ITGB5: variants seen among roughly 807,000 people sequenced by gnomAD.
ITGB5 encodes integrin beta-5.
In ITGB5, 38 loss-of-function variants were observed where a neutral mutation model predicts 84.8. The observed-to-expected ratio is 0.45, with a 90% confidence interval of 0.35 to 0.59. The LOEUF is 0.59. Ranked by LOEUF, ITGB5 falls within the 20% of genes least tolerant of loss-of-function variation. The pLI is 0.01. For synonymous variants in ITGB5, 393 were observed against 414.4 expected (o/e 0.95, Z 0.63); for missense variants, 905 against 1,034.5 (o/e 0.87, Z 1.72).
intron 4 of ITGB5, among the ~76,000 whole-genome samples, chr3:124,847,325 AAAAAG>A (rs1488867077): frequency 1.3e-5 from 2 of 152,252 alleles, no homozygotes; most frequent in Admixed American, 6.5e-5. Flanking sequence ...CTGAAAGACT[AAAAAG>A]AAAAGAAACC....
intron 1 of ITGB5, among the ~76,000 whole-genome samples, chr3:124,899,477 G>A (rs1306400444): frequency 6.6e-6 from 1 of 152,130 alleles, no homozygotes; most frequent in Non-Finnish European, 1.5e-5. Context: ...GGACACCACA[G>A]CTGATTAGAG....
At chr3:124,764,278 T>TTTTG in intron 14 of ITGB5, 113 bp downstream of exon 14, 2 of 1,157,122 alleles carry the variant, frequency 1.7e-6, no homozygotes, top group Non-Finnish European at 2.4e-6. Flanking sequence ...GTGTTGATTC[T>TTTTG]TTTGTTTTTA....
At chr3:124,782,840 G>A (rs9820662) in intron 10 of ITGB5, among the ~76,000 whole-genome samples, 6,716 of 151,792 alleles carry the variant, frequency 0.044, 267 homozygotes, top group African/African-American at 0.1. Context: ...TAGCTTGGGC[G>A]ACAAGAGTGA....
rs772141025 is a variant in ITGB5 at position 124,841,493 on chromosome 3, T to C, written c.670A>G (p.Thr224Ala). 1.2e-6 allele frequency: 2 copies of C among 1,614,110 alleles called. No individual in the cohort carries two copies. The highest frequency in any genetic ancestry group is 1.3e-5 in the African/African-American group (1 of 75,022). The change falls in exon 5 of 15, where the codon ACA (threonine) becomes GCA (alanine). Residue 224 changes from threonine to alanine, a missense_variant. Physicochemically the swap from Thr to Ala is moderately conservative, Grantham distance 58. Transcript: ENST00000296181. Reference protein sequence around the residue: ...SFGFRHLLPLTDRVDSFNEEV... With the variant: ...SFGFRHLLPLADRVDSFNEEV... ...TCATTGAAGCTGTCCACTCTGTCTG[T>C]GAGAGGCAGCAGATGGCGGAACCCA...
At chr3:124,835,398 C>A (rs1009227083) in intron 5 of ITGB5, among the ~76,000 whole-genome samples, 1 of 152,246 alleles carries the variant, frequency 6.6e-6, no homozygotes, top group African/African-American at 2.4e-5. Flanking sequence ...CAAGGGGAAG[C>A]TGCGCCACAC....
intron 1 of ITGB5, among the ~76,000 whole-genome samples, chr3:124,895,799 A>G (rs1487060886): frequency 6.6e-6 from 1 of 152,166 alleles, no homozygotes; most frequent in Non-Finnish European, 1.5e-5. Context: ...CTCATATTCA[A>G]TTGCTGGTGG....
chr3:124,809,705 G>C (rs1335684706), intron 8 of ITGB5, among the ~76,000 whole-genome samples: 1 of 152,106 alleles, frequency 6.6e-6, no homozygotes, highest in African/African-American at 2.4e-5. Context: ...AGGTCCATAT[G>C]CCTGAGTTTG....
intron 11 of ITGB5, chr3:124,769,484 C>A: frequency 5.3e-6 from 1 of 188,280 alleles, no homozygotes; most frequent in Non-Finnish European, 1.1e-5. Context: ...GAGCTCCTCA[C>A]ACTCCCATGG....
intron 10 of ITGB5, among the ~76,000 whole-genome samples, chr3:124,774,625 AGAAAATAAAT>A (rs2063896183): frequency 6.6e-6 from 1 of 152,216 alleles, no homozygotes; most frequent in Non-Finnish European, 1.5e-5. Flanking sequence ...CAGAGCTGTA[AGAAAATAAAT>A]CCGTGTTGCT....
chr3:124,796,584 C>G lies in ITGB5; in HGVS notation c.1497G>C (p.Glu499Asp). 6.2e-7 allele frequency: 1 copy of G among 1,614,174 alleles called. No individual in the cohort carries two copies. Among genetic ancestry groups the G allele is most frequent in the Non-Finnish European group, 8.5e-7 (1 of 1,180,040 alleles). Residue 499 changes from glutamate to aspartate, a missense_variant, in exon 10 of 15, where the codon GAG becomes GAC. Coordinates refer to ENST00000296181, the MANE Select transcript of ITGB5 (RefSeq NM_002213.5). ...CGCTCTGGTTCTCCCCATCCTGGCA[C>G]TCGCACCTGGTGCCCAGGTAGCCGG... ...CSPGYLGTRCECQDGENQSVY... is the reference protein window; with the variant it reads ...CSPGYLGTRCDCQDGENQSVY...
At chr3:124,802,486 G>A (rs2064330814) in intron 9 of ITGB5, among the ~76,000 whole-genome samples, 1 of 152,212 alleles carries the variant, frequency 6.6e-6, no homozygotes, top group African/African-American at 2.4e-5. Flanking sequence ...GGAACTGACA[G>A]ACCCCTCTCC....
intron 5 of ITGB5, among the ~76,000 whole-genome samples, chr3:124,828,109 C>G (rs944663186): frequency 6.6e-6 from 1 of 152,062 alleles, no homozygotes; most frequent in African/African-American, 2.4e-5. Flanking sequence ...CAGGGACGTG[C>G]GTGAAACTTT....
At chr3:124,875,700 C>T (rs1934278897) in intron 1 of ITGB5, among the ~76,000 whole-genome samples, 1 of 152,186 alleles carries the variant, frequency 6.6e-6, no homozygotes, top group African/African-American at 2.4e-5. Flanking sequence ...CATACCTGCA[C>T]TCTCATGTTC....
rs375058260 is a variant in ITGB5, at chr3:124,796,540, C to T, written c.1541G>A (p.Arg514Gln). The T allele has an allele frequency of 2.0e-5, 32 of 1,613,972 alleles. No individual in the cohort carries two copies. The East Asian group carries it at 2.2e-4, about 11-fold the overall frequency. ...GCACAGTGGCTTGCCCTCTGCCTCCCGGCACAGGTTCTGGTACACGCTCTG... is the reference window on the plus strand; with the variant it reads ...GCACAGTGGCTTGCCCTCTGCCTCCTGGCACAGGTTCTGGTACACGCTCTG... ...ENQSVYQNLCREAEGKPLCSG... is the reference protein window; with the variant it reads ...ENQSVYQNLCQEAEGKPLCSG... The change falls in exon 10 of 15, where the codon CGG becomes CAG. Residue 514 changes from arginine (R) to glutamine (Q), a missense_variant. Arg to Gln is a conservative substitution (Grantham distance 43). Coordinates refer to ENST00000296181, the MANE Select transcript of ITGB5 (RefSeq NM_002213.5).
At chr3:124,827,129 A>AG (rs755968531) in intron 5 of ITGB5, among the ~76,000 whole-genome samples, 47 of 152,212 alleles carry the variant, frequency 3.1e-4, no homozygotes, top group Non-Finnish European at 4.3e-4. Context: ...ACAAAAAAAA[A>AG]CAATGAACTA....
Position 124,796,707 on chromosome 3 carries a change from G to A in ITGB5, c.1374C>T (p.Thr458=). The part of the protein sequence containing the change: ...GFRDSLEVGV[T]YNCTCGCSVG... Reference sequence around the variant, plus strand: ...CGCTGCAGCCGCACGTGCAGTTGTAGGTGACCCCCACCTCCAGGCTGTCCC... The same window carrying A: ...CGCTGCAGCCGCACGTGCAGTTGTAAGTGACCCCCACCTCCAGGCTGTCCC... Residue 458 remains threonine (T), a synonymous_variant, in exon 10 of 15, where the codon ACC becomes ACT. Coordinates refer to ENST00000296181, the MANE Select transcript of ITGB5 (RefSeq NM_002213.5). 1 of 1,614,108 alleles carries A rather than the reference G, an allele frequency of 6.2e-7. No homozygotes were observed. The highest frequency in any genetic ancestry group is 1.1e-5 in the South Asian group (1 of 91,064).
intron 10 of ITGB5, among the ~76,000 whole-genome samples, chr3:124,793,909 G>A (rs896349782): frequency 1.3e-5 from 2 of 152,234 alleles, no homozygotes; most frequent in Admixed American, 1.3e-4. Context: ...CGACGCCCAT[G>A]GGTGTACTCA....
At chr3:124,806,558 C>T (rs529937944) in intron 9 of ITGB5, among the ~76,000 whole-genome samples, 17 of 151,512 alleles carry the variant, frequency 1.1e-4, no homozygotes, top group African/African-American at 2.2e-4. Flanking sequence ...CTCAGCCTCC[C>T]GAGTAGCTGG....
chr3:124,881,895 G>A (rs553283583), intron 1 of ITGB5, among the ~76,000 whole-genome samples: 2 of 152,266 alleles, frequency 1.3e-5, no homozygotes, highest in Non-Finnish European at 2.9e-5. Flanking sequence ...TTGAACCTGG[G>A]AGGCAGAGGT....
Sources: allele counts gnomAD v4.1 joint callset (sites outside exome capture counted in the v4.1 genomes callset), GRCh38; gene constraint gnomAD v4.1.1; transcripts MANE v1.5; gene names NCBI Gene and HGNC (gene_info 2026-07-23, HGNC 2026-07-21).